The following ATP2B2 variants were observed in gnomAD, a reference collection of about 807,000 sequenced individuals.
The protein encoded by ATP2B2 is plasma membrane calcium-transporting ATPase 2.
A neutral mutation model predicts 120.0 loss-of-function variants in ATP2B2; 15 were observed. The ratio of observed to expected loss-of-function variants is 0.12; its 90% CI spans 0.08 to 0.19. The LOEUF (loss-of-function observed/expected upper bound fraction) is 0.19. Among genes scored for constraint, ATP2B2 ranks in the 10% least tolerant of loss-of-function variants. The pLI is 1.00. For missense variants in ATP2B2, 1,045 were observed against 1,719.8 expected (o/e 0.61, Z 6.94); for synonymous variants, 694 against 700.3 (o/e 0.99, Z 0.14).
chr3:10,636,530 T>C (rs1162056605), intron 1 of ATP2B2, among the ~76,000 whole-genome samples: 1 of 152,158 alleles, frequency 6.6e-6, no homozygotes. Context: ...GAAACTTCTG[T>C]TTCCAGCCAA....
intron 1 of ATP2B2, among the ~76,000 whole-genome samples, chr3:10,647,611 A>C (rs191181791): frequency 1.7e-3 from 251 of 152,110 alleles, no homozygotes; most frequent in African/African-American, 5.7e-3. Flanking sequence ...GGTTTCGGAG[A>C]ATGAGGCAGG....
At chr3:10,657,776 T>C (rs956908136) in intron 1 of ATP2B2, among the ~76,000 whole-genome samples, 1 of 152,190 alleles carries the variant, frequency 6.6e-6, no homozygotes, top group African/African-American at 2.4e-5. Flanking sequence ...GAGTTTGAGA[T>C]CTGAGAATGG....
intron 1 of ATP2B2, among the ~76,000 whole-genome samples, chr3:10,691,090 T>C (rs2071653488): frequency 6.6e-6 from 1 of 152,214 alleles, no homozygotes; most frequent in African/African-American, 2.4e-5. Context: ...CAAATATGAA[T>C]GCTTCTTTTA....
At chr3:10,700,684 C>A (rs1179420544) in intron 1 of ATP2B2, among the ~76,000 whole-genome samples, 1 of 152,250 alleles carries the variant, frequency 6.6e-6, no homozygotes, top group East Asian at 1.9e-4. Flanking sequence ...GCCCTACTGG[C>A]ATCTGTTAGA....
At chr3:10,338,859 T>A (rs2060200844) in intron 21 of ATP2B2, 3 of 196,692 alleles carry the variant, frequency 1.5e-5, no homozygotes, top group African/African-American at 2.4e-5. Context: ...GGTTACTTAT[T>A]CCTCTGTCCC....
chr3:10,471,366 G>GAGTGTGTGTGTC, intron 1 of ATP2B2, among the ~76,000 whole-genome samples: 1 of 16,892 alleles, frequency 5.9e-5, no homozygotes, highest in African/African-American at 8.5e-4. Flanking sequence ...CAGGAAACCT[G>GAGTGTGTGTGTC]TGTGTGTGTG....
chr3:10,479,014 C>T (rs2065303546), intron 1 of ATP2B2, among the ~76,000 whole-genome samples: 2 of 152,140 alleles, frequency 1.3e-5, no homozygotes. Context: ...GCCTTGCTTC[C>T]CCTTTGCCTT....
At chr3:10,394,722 C>T (rs1051556679) in intron 5 of ATP2B2, among the ~76,000 whole-genome samples, 2 of 151,324 alleles carry the variant, frequency 1.3e-5, no homozygotes, top group South Asian at 2.1e-4. Context: ...GAGGGTTTAC[C>T]GATGTCCTGC....
chr3:10,646,839 C>G (rs1272376056), intron 1 of ATP2B2, among the ~76,000 whole-genome samples: 1 of 152,188 alleles, frequency 6.6e-6, no homozygotes, highest in Non-Finnish European at 1.5e-5. Flanking sequence ...GATTCAAAGA[C>G]AGATAAGGCA....
chr3:10,378,098 C>T (rs1405788742), intron 10 of ATP2B2, among the ~76,000 whole-genome samples, 154 bp downstream of exon 10: 2 of 152,258 alleles, frequency 1.3e-5, no homozygotes, highest in Non-Finnish European at 2.9e-5. Context: ...ACACAGGACT[C>T]AGACTGGGTG....
At chr3:10,427,260 T>C (rs2063175455) in intron 2 of ATP2B2, among the ~76,000 whole-genome samples, 1 of 152,178 alleles carries the variant, frequency 6.6e-6, no homozygotes, top group African/African-American at 2.4e-5. Context: ...ACCAAACTAA[T>C]TGTTTCCTTC....
chr3:10,393,187 C>T (rs1250545252), intron 5 of ATP2B2, among the ~76,000 whole-genome samples: 1 of 152,184 alleles, frequency 6.6e-6, no homozygotes, highest in African/African-American at 2.4e-5. Flanking sequence ...AAGCCAAGGA[C>T]ATGGCGGGCC....
intron 2 of ATP2B2, among the ~76,000 whole-genome samples, chr3:10,441,038 C>T (rs577055903): frequency 1.6e-4 from 25 of 152,322 alleles, no homozygotes; most frequent in Middle Eastern, 3.4e-3. Flanking sequence ...TAACTAGTAG[C>T]ACAGCTAGAC....
chr3:10,432,362 T>C (rs1332363718), intron 2 of ATP2B2, among the ~76,000 whole-genome samples: 7 of 152,296 alleles, frequency 4.6e-5, no homozygotes, highest in African/African-American at 1.7e-4. Context: ...GCCTGAAGCC[T>C]GGCAGGCTCC....
rs569132425 is a variant in ATP2B2 at position 10,345,336 on chromosome 3, G to T, written c.2703+48C>A. On this transcript the variant is annotated intron_variant, in intron 18 of 22. Coordinates refer to ENST00000360273, the MANE Select transcript of ATP2B2 (RefSeq NM_001001331.4). ...CCTAAGGCCCCCGAGCCTCTGTGGGGGGTCTCCGCCCTCCCCCAGGCTTTG... is the reference window on the plus strand; with the variant it reads ...CCTAAGGCCCCCGAGCCTCTGTGGGTGGTCTCCGCCCTCCCCCAGGCTTTG... 4.2e-5 allele frequency: 67 copies of T among 1,604,762 alleles called. 1 individual carries two copies. The South Asian group carries it at 7.4e-4, about 18-fold the overall frequency.
Position 10,472,383 on chromosome 3 carries a change from G to T in ATP2B2, c.-319-22521C>A, listed in dbSNP as rs558677098. 5.3e-5 allele frequency among the ~76,000 whole-genome samples: 8 copies of T among 152,320 alleles called. No individual in the cohort carries two copies. The South Asian group carries it at 1.7e-3, about 32-fold the overall frequency. ...AGGGGAGAGAGGGCCTGTCTCTGTG[G>T]TGCCTGCACTGACTGCCCAGACCTC... On this transcript the variant is annotated intron_variant, in intron 1 of 22. Transcript: ENST00000360273.
intron 1 of ATP2B2, among the ~76,000 whole-genome samples, chr3:10,496,910 G>A (rs1490711686): frequency 6.6e-6 from 1 of 152,172 alleles, no homozygotes; most frequent in Admixed American, 6.5e-5. Context: ...TGTGGCCCTA[G>A]CCTGTCTGGT....
At chr3:10,468,964 G>T (rs889288543) in intron 1 of ATP2B2, among the ~76,000 whole-genome samples, 2 of 152,248 alleles carry the variant, frequency 1.3e-5, no homozygotes, top group African/African-American at 2.4e-5. Flanking sequence ...GGAATACCTG[G>T]AGCTATAAAA....
At position 10,347,412 on chromosome 3, in the gene ATP2B2, C is replaced by T. The variant is rs963817601; in HGVS notation, c.2405-1275G>A. On this transcript the variant is annotated intron_variant, in intron 16 of 22. Coordinates refer to ENST00000360273, the MANE Select transcript of ATP2B2 (RefSeq NM_001001331.4). The surrounding 1 kb of genome is among the most constrained non-coding windows in gnomAD (Gnocchi z 5.2). ...AACTCTATGTGCTGCTCCATCCTTG[C>T]GCATCTCTCTGCTCTGTGCCTAGCA... 2.0e-5 allele frequency among the ~76,000 whole-genome samples: 3 copies of T among 152,246 alleles called. No individual in the cohort carries two copies. Among genetic ancestry groups the T allele is most frequent in the African/African-American group, 4.8e-5 (2 of 41,460 alleles).
Sources: gnomAD v4.1 joint callset for allele counts (sites outside exome capture counted in the v4.1 genomes callset) on GRCh38, gnomAD v4.1.1 for gene constraint, Gnocchi (gnomAD v3.1) non-coding constraint, MANE v1.5 for transcripts, NCBI Gene and HGNC (gene_info 2026-07-23, HGNC 2026-07-21) for gene names.